The following MBNL2 variants were observed in gnomAD, a reference collection of about 807,000 sequenced individuals.
The protein encoded by MBNL2 is muscleblind like splicing regulator 2.
Under a neutral mutation model 41.9 loss-of-function variants are expected in MBNL2, and 17 were observed. That is an observed-to-expected ratio of 0.41 (90% CI 0.28 to 0.61). The LOEUF is 0.61. Ranked by LOEUF, MBNL2 falls within the 20% of genes least tolerant of loss-of-function variation. The pLI is 0.35. For synonymous variants in MBNL2, 195 were observed against 182.9 expected (o/e 1.07, Z -0.53); for missense variants, 336 against 505.6 (o/e 0.66, Z 3.22).
intron 7 of MBNL2, among the ~76,000 whole-genome samples, chr13:97,364,858 G>A (rs1429724216): frequency 6.6e-6 from 1 of 152,108 alleles, no homozygotes; most frequent in Non-Finnish European, 1.5e-5. Flanking sequence ...AGGACACCAC[G>A]GCATTATCAC....
chr13:97,241,950 T>G (rs181573182), intron 1 of MBNL2, among the ~76,000 whole-genome samples: 15 of 152,124 alleles, frequency 9.9e-5, no homozygotes, highest in African/African-American at 3.6e-4. Flanking sequence ...CAAAAGCCAA[T>G]AGGAGGAAAT....
chr13:97,301,225 G>C (rs1385378520), intron 2 of MBNL2, among the ~76,000 whole-genome samples: 4 of 152,186 alleles, frequency 2.6e-5, no homozygotes, highest in Non-Finnish European at 5.9e-5. Context: ...GCCTGCTACA[G>C]GCTGTGCACT....
At chr13:97,320,680 G>A (rs554977284) in intron 2 of MBNL2, among the ~76,000 whole-genome samples, 24 of 152,134 alleles carry the variant, frequency 1.6e-4, no homozygotes, top group East Asian at 7.9e-4. Flanking sequence ...TTGGGAGGCC[G>A]AGGTGGGTGG....
chr13:97,264,128 T>C (rs1416443746), intron 1 of MBNL2, among the ~76,000 whole-genome samples: 2 of 150,296 alleles, frequency 1.3e-5, no homozygotes, highest in Non-Finnish European at 3.0e-5. Context: ...CGGGACCTCA[T>C]GCCATTCTCC....
chr13:97,172,863 T>A, the MBNL2 span: 2 of 152,102 alleles, frequency 1.3e-5, no homozygotes, highest in Admixed American at 1.3e-4. Flanking sequence ...CTTTGGTGCT[T>A]CCTATTTTGC....
At chr13:97,151,386 T>C in the MBNL2 span, among the ~76,000 whole-genome samples, 6 of 152,148 alleles carry the variant, frequency 3.9e-5, no homozygotes, top group African/African-American at 1.4e-4. Flanking sequence ...ACAAGTATAT[T>C]TCTTCAAGGA....
intron 2 of MBNL2, among the ~76,000 whole-genome samples, chr13:97,290,071 C>G (rs1462340509): frequency 6.6e-6 from 1 of 152,174 alleles, no homozygotes; most frequent in Admixed American, 6.5e-5. Context: ...ATAAAAGTCT[C>G]CCCATTGCAA....
At chr13:97,154,620 T>C in the MBNL2 span, among the ~76,000 whole-genome samples, 8 of 152,096 alleles carry the variant, frequency 5.3e-5, no homozygotes, top group African/African-American at 2.4e-5. Context: ...TTTAAACATA[T>C]GGATTAGCAA....
intron 1 of MBNL2, among the ~76,000 whole-genome samples, chr13:97,274,880 T>C (rs1304084024): frequency 6.6e-6 from 1 of 152,224 alleles, no homozygotes; most frequent in Non-Finnish European, 1.5e-5. Flanking sequence ...TTTTAGATTA[T>C]GACTCAGTTA....
chr13:97,309,116 G>GT (rs2058363607), intron 2 of MBNL2, among the ~76,000 whole-genome samples: 1 of 152,182 alleles, frequency 6.6e-6, no homozygotes, highest in African/African-American at 2.4e-5. Context: ...AAACCATGGG[G>GT]TATGTAGGGA....
intron 2 of MBNL2, among the ~76,000 whole-genome samples, chr13:97,313,297 A>G (rs753832011): frequency 5.9e-5 from 9 of 152,216 alleles, no homozygotes; most frequent in Middle Eastern, 3.2e-3. Flanking sequence ...CTTATTCTGA[A>G]GCAATTTTCA....
At chr13:97,342,670 C>T (rs1275198754) in intron 3 of MBNL2, among the ~76,000 whole-genome samples, 1 of 152,134 alleles carries the variant, frequency 6.6e-6, no homozygotes, top group Admixed American at 6.5e-5. Context: ...GATTATTAGT[C>T]AGTATTCTAT....
intron 2 of MBNL2, among the ~76,000 whole-genome samples, chr13:97,323,374 T>G (rs2059659669): frequency 1.3e-5 from 2 of 152,348 alleles, no homozygotes; most frequent in East Asian, 1.9e-4. Flanking sequence ...GCCCTCAGTA[T>G]TCGTGGATTC....
the MBNL2 span, chr13:97,179,547 C>T: frequency 7.9e-5 from 12 of 152,280 alleles, no homozygotes; most frequent in Non-Finnish European, 1.8e-4. Flanking sequence ...TGGGCTGATT[C>T]CTTAGCAAAG....
chr13:97,249,002 C>T (rs1358849141), intron 1 of MBNL2, among the ~76,000 whole-genome samples: 1 of 152,192 alleles, frequency 6.6e-6, no homozygotes, highest in Admixed American at 6.5e-5. Context: ...CAACCCCACT[C>T]ATTGTGAGTT....
chr13:97,287,934 G>GTTTTTTTT (rs1397865029), intron 2 of MBNL2, among the ~76,000 whole-genome samples: 3 of 73,638 alleles, frequency 4.1e-5, no homozygotes, highest in Admixed American at 1.4e-4. Context: ...TTTTTGTTTT[G>GTTTTTTTT]TTTTGTTTTT....
chr13:97,204,702 T>G, the MBNL2 span, among the ~76,000 whole-genome samples: 2 of 151,988 alleles, frequency 1.3e-5, no homozygotes, highest in African/African-American at 4.8e-5. Flanking sequence ...GAGCAGGGAG[T>G]GGGTTGCGGC....
Position 97,276,098 on chromosome 13 carries a change from T to C in MBNL2, c.-138T>C. ...CTCTCTCATCATCCTGTTCCTTGGA[T>C]TGGACTTCACTAAGCAATTTATCAC... On this transcript the variant is annotated 5_prime_UTR_variant, in exon 2 of 9. Coordinates refer to ENST00000679496, the MANE Select transcript of MBNL2 (RefSeq NM_001382683.1). 4 of 643,632 alleles carry C rather than the reference T, an allele frequency of 6.2e-6. No homozygotes were observed. Among genetic ancestry groups the C allele is most frequent in the Non-Finnish European group, 8.2e-6 (3 of 365,454 alleles). The allele number at this position is 643,632 out of a possible 1,614,324, so 39.9% of individuals were successfully genotyped here. A position where few individuals can be genotyped will look rare whatever the true frequency, so the allele number is the denominator to read the frequency against.
intron 2 of MBNL2, among the ~76,000 whole-genome samples, chr13:97,318,308 C>T (rs1167098605): frequency 6.6e-6 from 1 of 152,226 alleles, no homozygotes; most frequent in Non-Finnish European, 1.5e-5. Flanking sequence ...TGATTAAGAG[C>T]AGTGGCTTTG....
Sources: allele counts gnomAD v4.1 joint callset (sites outside exome capture counted in the v4.1 genomes callset), GRCh38; gene constraint gnomAD v4.1.1; transcripts MANE v1.5; gene names NCBI Gene and HGNC (gene_info 2026-07-23, HGNC 2026-07-21).